FARS2: variants seen among roughly 807,000 people sequenced by gnomAD.
FARS2 encodes the protein phenylalanine--tRNA ligase, mitochondrial.
A neutral mutation model predicts 46.4 loss-of-function variants in FARS2; 40 were observed. The ratio of observed to expected loss-of-function variants is 0.86; its 90% confidence interval spans 0.67 to 1.12. The LOEUF (loss-of-function observed/expected upper bound fraction) is 1.12, where lower values mean the gene tolerates loss of function less well. FARS2 is among the 50% of genes most tolerant of loss of function. The pLI, the probability that FARS2 is intolerant of heterozygous loss-of-function variation, is 0.00. For missense variants in FARS2, 513 were observed against 567.9 expected, an observed-to-expected ratio of 0.90 and a Z score of 0.98; for synonymous variants, 234 against 214.9, an observed-to-expected ratio of 1.09 and a Z score of -0.78.
At chr6:5,653,780 G>A (rs1353588668) in intron 6 of FARS2, among the ~76,000 whole-genome samples, 2 of 152,220 alleles carry the variant, frequency 1.3e-5, no homozygotes, top group Non-Finnish European at 2.9e-5. Flanking sequence ...TCTGGACCCT[G>A]GGGATGCACC....
chr6:5,294,307 AG>A (rs1247208680), intron 1 of FARS2, among the ~76,000 whole-genome samples: 1 of 152,186 alleles, frequency 6.6e-6, no homozygotes, highest in African/African-American at 2.4e-5. Flanking sequence ...AGAGGAGTAG[AG>A]GACAAAGAAT....
At chr6:5,392,766 A>G (rs1760613443) in intron 2 of FARS2, among the ~76,000 whole-genome samples, 1 of 143,832 alleles carries the variant, frequency 7.0e-6, no homozygotes, top group Admixed American at 7.0e-5. Flanking sequence ...ACACACACAC[A>G]CACATGTATA....
At chr6:5,650,167 C>T (rs961835706) in intron 6 of FARS2, among the ~76,000 whole-genome samples, 6 of 151,940 alleles carry the variant, frequency 3.9e-5, no homozygotes, top group African/African-American at 1.4e-4. Flanking sequence ...TGGAATGTGG[C>T]ACGGTACCAG....
intron 5 of FARS2, among the ~76,000 whole-genome samples, chr6:5,554,131 G>T (rs1417300220): frequency 2.0e-5 from 3 of 151,922 alleles, no homozygotes; most frequent in Admixed American, 6.6e-5. Context: ...TTGTTTTTTG[G>T]ATTAACCGCT....
At chr6:5,415,469 A>G (rs1388514393) in intron 3 of FARS2, among the ~76,000 whole-genome samples, 3 of 151,418 alleles carry the variant, frequency 2.0e-5, no homozygotes, top group African/African-American at 7.3e-5. Flanking sequence ...GGTGCACGCC[A>G]CCACGCCTAG....
At chr6:5,591,902 A>G (rs1773939176) in intron 5 of FARS2, among the ~76,000 whole-genome samples, 1 of 152,226 alleles carries the variant, frequency 6.6e-6, no homozygotes, top group Non-Finnish European at 1.5e-5. Context: ...TTGTGGAAAA[A>G]GAGTATCTTA....
rs150422754 is a variant in FARS2, at chr6:5,373,247, A to G, written c.612+4065A>G. On this transcript the variant is annotated intron_variant, in intron 2 of 6. Coordinates refer to ENST00000274680, the MANE Select transcript of FARS2 (RefSeq NM_006567.5). Reference sequence around the variant, plus strand: ...GCTCAAAGTACCAGTATCACTGTTCATCAGTGACTACTGACGTCATCTGTC... The same window carrying G: ...GCTCAAAGTACCAGTATCACTGTTCGTCAGTGACTACTGACGTCATCTGTC... Among the ~76,000 whole-genome samples, 13 of 152,288 alleles carry G rather than the reference A, an allele frequency of 8.5e-5. No individual in the cohort carries two copies. The East Asian group carries it at 1.7e-3, about 20-fold the overall frequency.
In FARS2 at chr6:5,392,735, TACACAC is replaced by T. The variant is rs10526282; in HGVS notation, c.613-11777_613-11772del. ...ACACTTGCTCTAAAATATATATATA[TACACAC>T]ACACACACACACACACACACACACA... On this transcript the variant is annotated intron_variant, in intron 2 of 6. Coordinates refer to ENST00000274680, the MANE Select transcript of FARS2 (RefSeq NM_006567.5). Among the ~76,000 whole-genome samples the T allele has an allele frequency of 6.4e-4, 91 of 142,368 alleles. 1 individual carries two copies. The East Asian group carries it at 0.014, about 22-fold the overall frequency. The allele number at this position is 142,368 out of a possible 152,430, so 93.4% of individuals were successfully genotyped here. A position where few individuals can be genotyped will look rare whatever the true frequency, so the allele number is the denominator to read the frequency against.
intron 1 of FARS2, among the ~76,000 whole-genome samples, chr6:5,301,301 A>C (rs139432175): frequency 6.6e-6 from 1 of 152,152 alleles, no homozygotes; most frequent in Non-Finnish European, 1.5e-5. Flanking sequence ...AGATGGTAGC[A>C]AAGTTTGGGC....
intron 4 of FARS2, among the ~76,000 whole-genome samples, chr6:5,507,777 G>A (rs1768186278): frequency 1.3e-5 from 2 of 152,234 alleles, no homozygotes; most frequent in African/African-American, 2.4e-5. Flanking sequence ...ACAGAGAGAA[G>A]ACCGGAGGGA....
chr6:5,295,892 A>C (rs1767821647), intron 1 of FARS2, among the ~76,000 whole-genome samples: 1 of 152,108 alleles, frequency 6.6e-6, no homozygotes, highest in African/African-American at 2.4e-5. Flanking sequence ...GAGTCTAGGC[A>C]GTGAGCATCT....
chr6:5,421,182 A>G (rs934858375), intron 3 of FARS2, among the ~76,000 whole-genome samples: 1 of 152,136 alleles, frequency 6.6e-6, no homozygotes, highest in African/African-American at 2.4e-5. Context: ...TCCACACCAC[A>G]TGGAAGCTGC....
chr6:5,299,258 TCTC>T (rs774566305), intron 1 of FARS2, among the ~76,000 whole-genome samples: 1 of 152,210 alleles, frequency 6.6e-6, no homozygotes, highest in Non-Finnish European at 1.5e-5. Context: ...TAGACTGTCA[TCTC>T]CTCTGGCGAA....
chr6:5,354,904 AT>A (rs1350186736), intron 1 of FARS2, among the ~76,000 whole-genome samples: 1 of 151,982 alleles, frequency 6.6e-6, no homozygotes, highest in East Asian at 1.9e-4. Flanking sequence ...CAGAGTTCCT[AT>A]TTTTTGGGTC....
chr6:5,542,118 T>C (rs1473964905), intron 4 of FARS2, among the ~76,000 whole-genome samples: 1 of 152,164 alleles, frequency 6.6e-6, no homozygotes, highest in African/African-American at 2.4e-5. Flanking sequence ...ATATCCTGTT[T>C]TCTCAGCAGG....
intron 4 of FARS2, among the ~76,000 whole-genome samples, chr6:5,442,250 C>A (rs1763883102): frequency 6.6e-6 from 1 of 152,016 alleles, no homozygotes. Flanking sequence ...GGGTGAGGCT[C>A]ATTTCTGTCT....
intron 3 of FARS2, among the ~76,000 whole-genome samples, chr6:5,422,176 C>G (rs1762587002): frequency 6.6e-6 from 1 of 152,116 alleles, no homozygotes; most frequent in Non-Finnish European, 1.5e-5. Flanking sequence ...TGTTTTTAAA[C>G]CCGTCAGATC....
intron 6 of FARS2, among the ~76,000 whole-genome samples, chr6:5,754,067 G>A (rs1288466734): frequency 1.3e-5 from 2 of 152,332 alleles, no homozygotes; most frequent in African/African-American, 2.4e-5. Flanking sequence ...AACAAAGCTT[G>A]TAATACTGAT....
intron 1 of FARS2, among the ~76,000 whole-genome samples, chr6:5,360,517 T>C (rs1389813684): frequency 6.6e-6 from 1 of 152,206 alleles, no homozygotes; most frequent in Admixed American, 6.5e-5. Flanking sequence ...ACAAAGCTAA[T>C]GGGAGATAGG....
Sources: gnomAD v4.1 joint callset for allele counts (sites outside exome capture counted in the v4.1 genomes callset) on GRCh38, gnomAD v4.1.1 for gene constraint, MANE v1.5 for transcripts, NCBI Gene and HGNC (gene_info 2026-07-23, HGNC 2026-07-21) for gene names.